CELF2: variants seen among roughly 807,000 people sequenced by gnomAD.
CELF2 encodes the protein CUGBP Elav-like family member 2, also known as CUG triplet repeat RNA-binding protein 2.
A neutral mutation model predicts 62.6 loss-of-function variants in CELF2; 8 were observed. That is an observed-to-expected ratio of 0.13 (90% CI 0.07 to 0.23). The LOEUF (loss-of-function observed/expected upper bound fraction) is 0.23. CELF2 is among the 10% of genes least tolerant of loss of function. The probability of loss-of-function intolerance (pLI) is 1.00; values close to 1 mark genes in which losing one functional copy is unlikely to be tolerated. For synonymous variants in CELF2, 258 were observed against 250.0 expected (o/e 1.03, Z -0.30); for missense variants, 333 against 671.0 (o/e 0.50, Z 5.56).
At chr10:11,140,018 G>A (rs2061068847) in intron 1 of CELF2, among the ~76,000 whole-genome samples, 1 of 151,950 alleles carries the variant, frequency 6.6e-6, no homozygotes, top group South Asian at 2.1e-4. Context: ...TGGTTTCGTG[G>A]GATTTCATTT....
chr10:10,811,061 A>C (rs1161626046), intron 1 of CELF2, among the ~76,000 whole-genome samples: 2 of 152,158 alleles, frequency 1.3e-5, no homozygotes, highest in African/African-American at 4.8e-5. Context: ...TCCTACAGAC[A>C]TGTGTTCGGA....
rs559171973 is a variant in CELF2 at position 11,304,833 on chromosome 10, CTAACA to C, written c.977-9303_977-9299del. On this transcript the variant is annotated intron_variant, in intron 9 of 12. Transcript: ENST00000633077. Reference sequence around the variant, plus strand: ...TACAATTTTCTCTTTGCCATGTAACCTAACATATTTACAGGTTCCAGGACTTAGGA... The same window carrying C: ...TACAATTTTCTCTTTGCCATGTAACCTATTTACAGGTTCCAGGACTTAGGA... Among the ~76,000 whole-genome samples, 15 of 152,294 alleles carry C rather than the reference CTAACA, an allele frequency of 9.8e-5. No homozygotes were observed. The East Asian group carries it at 2.9e-3, about 29-fold the overall frequency.
At chr10:11,065,558 C>A (rs1344213107) in intron 1 of CELF2, among the ~76,000 whole-genome samples, 2 of 151,984 alleles carry the variant, frequency 1.3e-5, no homozygotes, top group African/African-American at 4.8e-5. Context: ...TTATCCATGT[C>A]AAAATGAGGG....
chr10:10,508,640 C>T, the CELF2 span, among the ~76,000 whole-genome samples: 411 of 151,202 alleles, frequency 2.7e-3, 1 homozygote, highest in African/African-American at 9.7e-3. Context: ...ATACTTCCCT[C>T]ACCCAGATTT....
In CELF2 at chr10:11,329,675, A is replaced by C. The variant is rs2095942451; in HGVS notation, c.*622A>C. The C allele has an allele frequency of 6.6e-6, 1 of 152,640 alleles. No individual in the cohort carries two copies. The highest frequency in any genetic ancestry group is 1.5e-5 in the Non-Finnish European group (1 of 68,040). 9.5% of individuals were successfully genotyped at this position (152,640 alleles called of 1,614,324 possible). On this transcript the variant is annotated 3_prime_UTR_variant, in exon 13 of 13. Transcript: ENST00000633077. This position sits in a 1 kb window ranked among gnomAD's most constrained non-coding sequence, Gnocchi z 5.5. Reference sequence around the variant, plus strand: ...AAGAAACATGACATTTATTGGTCAAAATATTACACTGGTTGTCTATTTTGT... The same window carrying C: ...AAGAAACATGACATTTATTGGTCAACATATTACACTGGTTGTCTATTTTGT...
chr10:10,743,296 A>G, the CELF2 span, among the ~76,000 whole-genome samples: 4 of 152,366 alleles, frequency 2.6e-5, no homozygotes, highest in Admixed American at 1.3e-4. Context: ...GAAGCGAAGC[A>G]AGTTTCTTTG....
chr10:10,475,759 T>C, the CELF2 span, among the ~76,000 whole-genome samples: 1 of 152,164 alleles, frequency 6.6e-6, no homozygotes, highest in Admixed American at 6.6e-5. Context: ...TATTTTTTTA[T>C]GCATAAAAGA....
chr10:10,667,287 T>C, the CELF2 span, among the ~76,000 whole-genome samples: 1 of 152,246 alleles, frequency 6.6e-6, no homozygotes, highest in Non-Finnish European at 1.5e-5. Context: ...TCTATTTTAG[T>C]GACTGCCCCT....
At chr10:11,123,728 T>C (rs1236083087) in intron 1 of CELF2, among the ~76,000 whole-genome samples, 2 of 152,202 alleles carry the variant, frequency 1.3e-5, no homozygotes, top group South Asian at 4.1e-4. Flanking sequence ...ACTTCTCTAG[T>C]GATGAGCACA....
chr10:10,841,391 ATTTTCT>A (rs2058676417), intron 1 of CELF2, among the ~76,000 whole-genome samples: 1 of 150,976 alleles, frequency 6.6e-6, no homozygotes, highest in Non-Finnish European at 1.5e-5. Context: ...TTATATATAG[ATTTTCT>A]TTTGGAAGTT....
chr10:11,114,037 G>A (rs1042212019), intron 1 of CELF2, among the ~76,000 whole-genome samples: 3 of 152,066 alleles, frequency 2.0e-5, no homozygotes, highest in Non-Finnish European at 2.9e-5. Context: ...GGGCAAAAAC[G>A]GCTCATAACA....
intron 1 of CELF2, among the ~76,000 whole-genome samples, chr10:10,805,913 C>A (rs942599814): frequency 6.6e-6 from 1 of 152,072 alleles, no homozygotes; most frequent in South Asian, 2.1e-4. Context: ...GATGGGGGAG[C>A]AATCAGGCAT....
chr10:10,737,950 T>C, the CELF2 span, among the ~76,000 whole-genome samples: 29 of 152,144 alleles, frequency 1.9e-4, no homozygotes, highest in Non-Finnish European at 4.0e-4. Flanking sequence ...CACACCTGGG[T>C]CTCTGCCTAC....
intron 1 of CELF2, among the ~76,000 whole-genome samples, chr10:11,135,911 C>G (rs976676869): frequency 6.6e-6 from 1 of 152,184 alleles, no homozygotes; most frequent in Non-Finnish European, 1.5e-5. Flanking sequence ...GAATCAGACT[C>G]TCTGGGGTGG....
chr10:11,283,758 G>A lies in CELF2; in HGVS notation c.842-4660G>A, dbSNP rs113995931. ...TGAGCCTAGAATGGTGGCTCTGCTT[G>A]TCATTAATCAGTGCCAGATCATAGA... On this transcript the variant is annotated intron_variant, in intron 8 of 12. Coordinates refer to ENST00000633077, the MANE Select transcript of CELF2 (RefSeq NM_001326342.2). Among the ~76,000 whole-genome samples the A allele has an allele frequency of 6.5e-3, 981 of 152,024 alleles. 17 individuals are homozygous for A. Among genetic ancestry groups the A allele is most frequent in the African/African-American group, 0.022 (926 of 41,434 alleles).
chr10:11,012,898 G>A (rs953982992), upstream of CELF2, among the ~76,000 whole-genome samples: 22 of 152,040 alleles, frequency 1.4e-4, no homozygotes, highest in African/African-American at 5.3e-4. The surrounding 1 kb of genome is among the most constrained non-coding windows in gnomAD (Gnocchi z 5.5). Context: ...CTGAGTGCCT[G>A]CCGTGTGCAA....
At chr10:10,909,738 A>G (rs904160428) in intron 1 of CELF2, among the ~76,000 whole-genome samples, 1 of 152,204 alleles carries the variant, frequency 6.6e-6, no homozygotes, top group African/African-American at 2.4e-5. Flanking sequence ...GCCCTCCCCA[A>G]AAGGGAATCA....
chr10:10,507,309 T>C, the CELF2 span, among the ~76,000 whole-genome samples: 3 of 135,242 alleles, frequency 2.2e-5, no homozygotes, highest in African/African-American at 8.2e-5. Flanking sequence ...TACTCACACC[T>C]AAATTTTGAG....
chr10:10,922,144 A>C (rs2064984643), intron 2 of CELF2, among the ~76,000 whole-genome samples: 1 of 152,086 alleles, frequency 6.6e-6, no homozygotes, highest in Non-Finnish European at 1.5e-5. Context: ...ACTGTGATCC[A>C]AATATTTAAA....
Sources: allele counts gnomAD v4.1 joint callset (sites outside exome capture counted in the v4.1 genomes callset), GRCh38; gene constraint gnomAD v4.1.1; non-coding constraint Gnocchi (gnomAD v3.1); transcripts MANE v1.5; gene names NCBI Gene and HGNC (gene_info 2026-07-23, HGNC 2026-07-21).